TSEN34: variants seen among roughly 807,000 people sequenced by gnomAD.
TSEN34 encodes the protein tRNA splicing endonuclease subunit 34, also known as tRNA-splicing endonuclease subunit Sen34.
In TSEN34, 25 loss-of-function variants were observed where a neutral mutation model predicts 30.2. That is an observed-to-expected ratio of 0.83 (90% CI 0.60 to 1.16). The LOEUF (loss-of-function observed/expected upper bound fraction) is 1.16, where lower values mean the gene tolerates loss of function less well. Among genes scored for constraint, TSEN34 ranks in the 50% most tolerant of loss-of-function variants. The pLI, the probability that TSEN34 is intolerant of heterozygous loss-of-function variation, is 0.00. For missense variants in TSEN34, 475 were observed against 411.9 expected (o/e 1.15, Z -1.33); for synonymous variants, 209 against 177.4 (o/e 1.18, Z -1.41).
upstream of TSEN34, chr19:54,191,211 C>T: frequency 3.6e-6 from 5 of 1,407,106 alleles, no homozygotes; most frequent in Non-Finnish European, 4.6e-6. Context: ...GCGCTCGGGC[C>T]CAGCAGGTGG....
chr19:54,190,043 G>A (rs1490576134), upstream of TSEN34: 1 of 532,478 alleles, frequency 1.9e-6, no homozygotes, highest in African/African-American at 2.0e-5. Context: ...CAAGGGGGCG[G>A]GGCGAAAGCG....
In TSEN34 at chr19:54,191,745, C is replaced by G. The variant is rs797046053; in HGVS notation, c.268C>G (p.Gln90Glu). The change falls in exon 2 of 4, where the codon CAA becomes GAA. Residue 90 changes from glutamine (Q) to glutamate (E), a missense_variant. Coordinates refer to ENST00000396388, the MANE Select transcript of TSEN34 (RefSeq NM_001077446.4). ...GGCCCTGACATCCTTCAAGCGCCAG[C>G]AAGAGGAGAGCTTCCAGGAGCAGAG... ...SLALTSFKRQ[Q>E]EESFQEQSAL... is the part of the protein sequence containing the mutation. The G allele has an allele frequency of 3.1e-6, 5 of 1,614,150 alleles. No homozygotes were observed. Among genetic ancestry groups the G allele is most frequent in the Non-Finnish European group, 4.2e-6 (5 of 1,180,044 alleles).
chr19:54,190,597 A>G, upstream of TSEN34: 1 of 1,240,604 alleles, frequency 8.1e-7, no homozygotes, highest in Admixed American at 4.0e-5. Context: ...GGCTGCCGGG[A>G]GCCGATGACG....
chr19:54,192,295 A>G lies in TSEN34; in HGVS notation c.667A>G (p.Ile223Val). The change falls in exon 3 of 4, where the codon ATC (isoleucine) becomes GTC (valine). Residue 223 changes from isoleucine to valine, a missense_variant. Physicochemically the swap from Ile to Val is conservative, Grantham distance 29. Transcript: ENST00000396388. ...GRPAHELRYS[I>V]YRDLWERGFF... ...CCCTGCCCACGAGCTGCGCTACAGT[A>G]TCTACAGAGACCTGTGGGAGCGAGG... 6.2e-7 allele frequency: 1 copy of G among 1,614,128 alleles called. No individual in the cohort carries two copies. Among genetic ancestry groups the G allele is most frequent in the South Asian group, 1.1e-5 (1 of 91,082 alleles).
At chr19:54,190,537 C>G (rs2076628421), upstream of TSEN34, 4 of 1,271,080 alleles carry the variant, frequency 3.1e-6, no homozygotes, top group East Asian at 9.5e-5. Flanking sequence ...GCGGGAACTC[C>G]CCAACTGGGG....
chr19:54,190,951 C>T, upstream of TSEN34: 2 of 1,063,800 alleles, frequency 1.9e-6, no homozygotes, highest in Non-Finnish European at 2.3e-6. Context: ...GCCCACTTTG[C>T]AAGAGGGTGG....
At chr19:54,190,570 G>A, upstream of TSEN34, 1 of 1,254,562 alleles carries the variant, frequency 8.0e-7, no homozygotes, top group Non-Finnish European at 1.0e-6. Context: ...CGGAGGGGGC[G>A]GGGCCACAGG....
At chr19:54,191,680 G>T (rs772534197) in intron 1 of TSEN34, 41 bp from the exon 2 acceptor site, 2 of 1,612,908 alleles carry the variant, frequency 1.2e-6, no homozygotes. Context: ...GCTTCTGAAG[G>T]GACCATAAGC....
At chr19:54,190,011 G>A (rs971478377), upstream of TSEN34, 17 of 499,660 alleles carry the variant, frequency 3.4e-5, no homozygotes, top group Non-Finnish European at 5.3e-5. Flanking sequence ...CAACAGGTTC[G>A]CCAGACACCC....
chr19:54,190,136 G>C (rs2076607989), upstream of TSEN34: 1 of 558,808 alleles, frequency 1.8e-6, no homozygotes, highest in Non-Finnish European at 3.2e-6. Flanking sequence ...AAGTTCCCAA[G>C]TAGAGGAGAG....
Position 54,191,877 on chromosome 19 carries a change from AGCTCAAGCCAGGAGGCCG to A in TSEN34, c.405_422del (p.Glu138_Gln143del). 1 of 1,614,100 alleles carries A rather than the reference AGCTCAAGCCAGGAGGCCG, an allele frequency of 6.2e-7. No homozygotes were observed. Among genetic ancestry groups the A allele is most frequent in the Non-Finnish European group, 8.5e-7 (1 of 1,180,000 alleles). ...GAAACTAGAACAGGCTTCAGGGGCC[AGCTCAAGCCAGGAGGCCG>A]GCTCGAGCCAGGCTGCCAAAGAGGA... On this transcript the variant is annotated inframe_deletion, in exon 2 of 4. Transcript: ENST00000396388.
rs1280023677 is a variant in TSEN34 at position 54,193,900 on chromosome 19, G to A, written c.*538G>A. ...TGAAATTTCCCAGATGCATACAAACGTTATAAATAAAAATATAGGCTGGGC... is the reference window on the plus strand; with the variant it reads ...TGAAATTTCCCAGATGCATACAAACATTATAAATAAAAATATAGGCTGGGC... On this transcript the variant is annotated 3_prime_UTR_variant, in exon 4 of 4. Transcript: ENST00000396388. 2.3e-5 allele frequency: 13 copies of A among 569,912 alleles called. No homozygotes were observed. The highest frequency in any genetic ancestry group is 2.0e-4 in the East Asian group (7 of 34,864). The allele number at this position is 569,912 out of a possible 1,614,324, so 35.3% of individuals were successfully genotyped here.
chr19:54,193,431 T>C lies in TSEN34; in HGVS notation c.*69T>C, dbSNP rs2076783093. 2 of 1,603,172 alleles carry C rather than the reference T, an allele frequency of 1.2e-6. No individual in the cohort carries two copies. The highest frequency in any genetic ancestry group is 1.7e-5 in the Admixed American group (1 of 57,954). Reference sequence around the variant, plus strand: ...CTTTCTGGATGTTCCCCAGCTCTTCTCTGGGAGTCTAGAACATCCTCCTAC... The same window carrying C: ...CTTTCTGGATGTTCCCCAGCTCTTCCCTGGGAGTCTAGAACATCCTCCTAC... On this transcript the variant is annotated 3_prime_UTR_variant, in exon 4 of 4. Coordinates refer to ENST00000396388, the MANE Select transcript of TSEN34 (RefSeq NM_001077446.4).
rs771901856 is a variant in TSEN34, at chr19:54,193,405, C to T, written c.*43C>T. The T allele has an allele frequency of 6.8e-6, 11 of 1,612,354 alleles. No homozygotes were observed. The African/African-American group carries it at 1.5e-4, about 22-fold the overall frequency. ...GATGTGGCTGTGTCGGCAGCAAGAG[C>T]CTTTCTGGATGTTCCCCAGCTCTTC... On this transcript the variant is annotated 3_prime_UTR_variant, in exon 4 of 4. Coordinates refer to ENST00000396388, the MANE Select transcript of TSEN34 (RefSeq NM_001077446.4).
Position 54,193,236 on chromosome 19 carries a change from C to T in TSEN34, c.807C>T (p.Ile269=), listed in dbSNP as rs15264. Residue 269 remains isoleucine, a synonymous_variant, in exon 4 of 4, where the codon ATC becomes ATT. Coordinates refer to ENST00000396388, the MANE Select transcript of TSEN34 (RefSeq NM_001077446.4). ...IAQCWAPEDT[I]PLQDLVAAGR... Reference sequence around the variant, plus strand: ...AGTGCTGGGCCCCTGAGGACACCATCCCACTCCAAGACCTGGTTGCTGCTG... The same window carrying T: ...AGTGCTGGGCCCCTGAGGACACCATTCCACTCCAAGACCTGGTTGCTGCTG... 3 of 1,613,992 alleles carry T rather than the reference C, an allele frequency of 1.9e-6. No homozygotes were observed. The highest frequency in any genetic ancestry group is 2.2e-5 in the East Asian group (1 of 44,902).
In TSEN34 at chr19:54,192,276, C is replaced by G. The variant is rs752633600; in HGVS notation, c.648C>G (p.Ala216=). 2 of 1,613,990 alleles carry G rather than the reference C, an allele frequency of 1.2e-6. No individual in the cohort carries two copies. The highest frequency in any genetic ancestry group is 1.1e-5 in the South Asian group (1 of 91,092). Residue 216 remains alanine, a synonymous_variant, in exon 3 of 4, where the codon GCC becomes GCG. Coordinates refer to ENST00000396388, the MANE Select transcript of TSEN34 (RefSeq NM_001077446.4). ...SKDWPHAGRP[A]HELRYSIYRD... ...ACTGGCCCCACGCCGGCCGCCCTGC[C>G]CACGAGCTGCGCTACAGTATCTACA... is the stretch of plus-strand genomic sequence containing the variant.
upstream of TSEN34, chr19:54,191,008 GGTTT>G (rs886743203): frequency 4.4e-6 from 5 of 1,138,816 alleles, no homozygotes; most frequent in Non-Finnish European, 3.2e-6. Flanking sequence ...CGCTTGCGGA[GGTTT>G]GTTTTTCACG....
upstream of TSEN34, chr19:54,189,886 T>C: frequency 4.8e-6 from 1 of 210,212 alleles, no homozygotes; most frequent in South Asian, 7.2e-5. Flanking sequence ...GTCCTTAGGG[T>C]CACTGTTCCG....
At position 54,191,439 on chromosome 19, in the gene TSEN34, C is replaced by G; in HGVS notation, c.75C>G (p.Arg25=). ...AGGCGGTGCAGGCCCTCCGGGAGCG[C>G]CTGGGTGTGGGGGGCCGCACGGTAG... ...GAEAVQALRE[R]LGVGGRTVGA... Residue 25 remains arginine (R), a synonymous_variant, in exon 1 of 4, where the codon CGC becomes CGG. Coordinates refer to ENST00000396388, the MANE Select transcript of TSEN34 (RefSeq NM_001077446.4). 1 of 1,548,134 alleles carries G rather than the reference C, an allele frequency of 6.5e-7. No homozygotes were observed. Among genetic ancestry groups the G allele is most frequent in the Non-Finnish European group, 8.7e-7 (1 of 1,146,684 alleles).
Sources: gnomAD v4.1 joint callset for allele counts on GRCh38, gnomAD v4.1.1 for gene constraint, MANE v1.5 for transcripts, NCBI Gene and HGNC (gene_info 2026-07-23, HGNC 2026-07-21) for gene names.